The following RBFOX1 variants were observed in gnomAD, a reference collection of about 807,000 sequenced individuals.
The protein encoded by RBFOX1 is RNA binding fox-1 homolog 1, also known as RNA binding protein fox-1 homolog 1.
Under a neutral mutation model 57.7 loss-of-function variants are expected in RBFOX1, and 8 were observed. The observed-to-expected ratio is 0.14, with a 90% CI of 0.08 to 0.25. RBFOX1 has a LOEUF of 0.25. RBFOX1 is among the 10% of genes least tolerant of loss of function. RBFOX1 has a pLI of 1.00. For synonymous variants in RBFOX1, 326 were observed against 222.4 expected (o/e 1.47, Z -4.15); for missense variants, 611 against 548.5 (o/e 1.11, Z -1.14).
chr16:7,520,184 C>G (rs1310111207), intron 5 of RBFOX1, among the ~76,000 whole-genome samples: 1 of 152,144 alleles, frequency 6.6e-6, no homozygotes, highest in Non-Finnish European at 1.5e-5. Context: ...CGCGCCCGGC[C>G]TAGTTTTGAA....
chr16:5,259,664 C>T (rs2062683204), intron 1 of RBFOX1, among the ~76,000 whole-genome samples: 1 of 151,974 alleles, frequency 6.6e-6, no homozygotes, highest in Non-Finnish European at 1.5e-5. Context: ...ATCTTTTTGC[C>T]CTTCAGTTGT....
intron 3 of RBFOX1, among the ~76,000 whole-genome samples, chr16:6,767,121 C>G (rs1603618041): frequency 6.6e-6 from 1 of 152,240 alleles, no homozygotes; most frequent in East Asian, 1.9e-4. Flanking sequence ...GGGACCACCT[C>G]TCTTGCATTT....
intron 3 of RBFOX1, among the ~76,000 whole-genome samples, chr16:5,815,600 C>T (rs1213438106): frequency 6.6e-6 from 1 of 152,170 alleles, no homozygotes; most frequent in Admixed American, 6.5e-5. Flanking sequence ...GACCCTGTTC[C>T]AGGAAGGAAG....
At chr16:6,930,448 C>T (rs1291279552) in intron 3 of RBFOX1, among the ~76,000 whole-genome samples, 3 of 152,138 alleles carry the variant, frequency 2.0e-5, no homozygotes, top group Admixed American at 6.6e-5. Context: ...CTCACTCTGT[C>T]ACCCAGGCTG....
chr16:7,545,762 C>T (rs1446770217), intron 5 of RBFOX1, among the ~76,000 whole-genome samples: 1 of 152,014 alleles, frequency 6.6e-6, no homozygotes, highest in Admixed American at 6.6e-5. Flanking sequence ...AACTGGGTCC[C>T]AGGAGCTAGA....
At chr16:7,476,015 G>T (rs946628081) in intron 4 of RBFOX1, among the ~76,000 whole-genome samples, 6 of 151,814 alleles carry the variant, frequency 4.0e-5, no homozygotes, top group African/African-American at 1.5e-4. Flanking sequence ...ACCCAGGCTG[G>T]AGTGCAGTAG....
intron 4 of RBFOX1, among the ~76,000 whole-genome samples, chr16:7,320,568 A>G (rs1226269804): frequency 6.6e-6 from 1 of 152,220 alleles, no homozygotes; most frequent in Non-Finnish European, 1.5e-5. Flanking sequence ...CTAGTCCAGA[A>G]TCTATTAGTT....
At chr16:5,332,410 T>C (rs898100061) in intron 1 of RBFOX1, among the ~76,000 whole-genome samples, 1 of 151,914 alleles carries the variant, frequency 6.6e-6, no homozygotes, top group African/African-American at 2.4e-5. Flanking sequence ...TACAGGTACA[T>C]GCCACCATGC....
intron 3 of RBFOX1, among the ~76,000 whole-genome samples, chr16:5,821,186 T>C (rs543144073): frequency 4.6e-5 from 7 of 151,532 alleles, no homozygotes; most frequent in African/African-American, 1.7e-4. Context: ...GCCTGGGAGA[T>C]AACATGGGGG....
At chr16:6,927,282 A>G (rs1308144122) in intron 3 of RBFOX1, among the ~76,000 whole-genome samples, 3 of 151,650 alleles carry the variant, frequency 2.0e-5, no homozygotes, top group Admixed American at 2.0e-4. Context: ...GTGTGGTGAC[A>G]CACACCTGTA....
intron 2 of RBFOX1, among the ~76,000 whole-genome samples, chr16:6,557,237 C>T (rs1196054491): frequency 6.6e-6 from 1 of 150,712 alleles, no homozygotes; most frequent in Non-Finnish European, 1.5e-5. Flanking sequence ...TTTGGAATCA[C>T]CATGCCCTTC....
At chr16:6,850,945 G>C (rs1567553279) in intron 3 of RBFOX1, among the ~76,000 whole-genome samples, 1 of 152,150 alleles carries the variant, frequency 6.6e-6, no homozygotes. Flanking sequence ...AGCTTTATTT[G>C]TAATAATAGC....
At chr16:6,881,672 G>A (rs998718409) in intron 3 of RBFOX1, among the ~76,000 whole-genome samples, 2 of 152,164 alleles carry the variant, frequency 1.3e-5, no homozygotes, top group Non-Finnish European at 2.9e-5. Context: ...ATTCTTAGAT[G>A]TTGGCAGTTA....
intron 3 of RBFOX1, among the ~76,000 whole-genome samples, chr16:6,774,387 A>G (rs963441722): frequency 2.2e-4 from 34 of 152,306 alleles, no homozygotes; most frequent in Non-Finnish European, 4.1e-4. Flanking sequence ...AAATTGAGCA[A>G]TTGTGGTTAT....
chr16:6,346,304 A>G (rs60237424), intron 2 of RBFOX1, among the ~76,000 whole-genome samples: 202 of 152,328 alleles, frequency 1.3e-3, no homozygotes, highest in African/African-American at 4.7e-3. Flanking sequence ...GTTAAATTTA[A>G]CTATATTTGG....
At chr16:7,248,264 G>C (rs75010300) in intron 4 of RBFOX1, among the ~76,000 whole-genome samples, 29 of 152,096 alleles carry the variant, frequency 1.9e-4, no homozygotes, top group Admixed American at 1.6e-3. Context: ...GCACATGAAC[G>C]GCTTTGCAAA....
chr16:5,831,726 C>T (rs2056282865), intron 3 of RBFOX1, among the ~76,000 whole-genome samples: 1 of 152,138 alleles, frequency 6.6e-6, no homozygotes, highest in South Asian at 2.1e-4. Context: ...TGAGCCACTG[C>T]ACCTAGCCTA....
chr16:7,001,173 T>G (rs1472332240), intron 3 of RBFOX1, among the ~76,000 whole-genome samples: 3 of 152,158 alleles, frequency 2.0e-5, no homozygotes, highest in African/African-American at 7.2e-5. Flanking sequence ...TGCTTGCATA[T>G]TCCAAAGGAG....
At chr16:5,715,146 C>T (rs2051643505) in intron 3 of RBFOX1, among the ~76,000 whole-genome samples, 1 of 152,212 alleles carries the variant, frequency 6.6e-6, no homozygotes, top group Non-Finnish European at 1.5e-5. Flanking sequence ...CTTGGTAATG[C>T]ATTAACACTA....
Sources: allele counts gnomAD v4.1 joint callset (sites outside exome capture counted in the v4.1 genomes callset), GRCh38; gene constraint gnomAD v4.1.1; transcripts MANE v1.5; gene names NCBI Gene and HGNC (gene_info 2026-07-23, HGNC 2026-07-21).